POU6F2: variants seen among roughly 807,000 people sequenced by gnomAD.
POU6F2 encodes the protein POU class 6 homeobox 2, also known as POU domain, class 6, transcription factor 2.
POU6F2 carries 31 observed loss-of-function variants against 71.3 expected under a neutral mutation model. That is an observed-to-expected ratio of 0.43 (90% CI 0.33 to 0.59). The LOEUF (loss-of-function observed/expected upper bound fraction) is 0.59. POU6F2 is among the 20% of genes least tolerant of loss of function. The pLI is 0.04. For missense variants in POU6F2, 783 were observed against 856.8 expected, an observed-to-expected ratio of 0.91 and a Z score of 1.07; for synonymous variants, 347 against 355.7, an observed-to-expected ratio of 0.98 and a Z score of 0.27.
intron 1 of POU6F2, among the ~76,000 whole-genome samples, chr7:39,073,520 G>A (rs10230144): frequency 0.046 from 6,985 of 151,894 alleles, 232 homozygotes; most frequent in Non-Finnish European, 0.068. Flanking sequence ...ATCTCTGCTC[G>A]TCTTAAAAGC....
chr7:39,012,463 G>T (rs1789320768), intron 1 of POU6F2, among the ~76,000 whole-genome samples: 2 of 149,024 alleles, frequency 1.3e-5, no homozygotes. Context: ...TTTGCCTTTG[G>T]TTTGAATGTC....
At chr7:39,184,428 C>T (rs1793491984) in intron 2 of POU6F2, among the ~76,000 whole-genome samples, 1 of 152,148 alleles carries the variant, frequency 6.6e-6, no homozygotes, top group Non-Finnish European at 1.5e-5. Flanking sequence ...AAACCTCTTC[C>T]CTATTTCAGA....
Position 39,016,585 on chromosome 7 carries a change from T to A in POU6F2, c.105+38527T>A, listed in dbSNP as rs142336312. On this transcript the variant is annotated intron_variant, in intron 1 of 9. Transcript: ENST00000518318. ...CCGCTTACAGTTCAGTAGAAAAGAC[T>A]CTAGCTAACCAAAGTCAAATATTTA... Among the ~76,000 whole-genome samples, 27 of 152,048 alleles carry A rather than the reference T, an allele frequency of 1.8e-4. No individual in the cohort carries two copies. The East Asian group carries it at 3.3e-3, about 19-fold the overall frequency.
intron 5 of POU6F2, among the ~76,000 whole-genome samples, chr7:39,372,728 G>C (rs1786638914): frequency 6.6e-6 from 1 of 152,136 alleles, no homozygotes; most frequent in Admixed American, 6.5e-5. Context: ...ATCACCAGGG[G>C]ATAATGTATC....
At chr7:39,294,300 TAAC>T (rs1784811841) in intron 4 of POU6F2, among the ~76,000 whole-genome samples, 1 of 149,314 alleles carries the variant, frequency 6.7e-6, no homozygotes, top group Non-Finnish European at 1.5e-5. Flanking sequence ...TTCATTTGTC[TAAC>T]AATAGTATTA....
intron 2 of POU6F2, 31 bp downstream of exon 2, chr7:39,086,062 C>A: frequency 1.2e-6 from 2 of 1,604,192 alleles, no homozygotes; most frequent in Non-Finnish European, 8.5e-7. Context: ...CATTTCAGTA[C>A]TACCATGTTG....
intron 2 of POU6F2, among the ~76,000 whole-genome samples, chr7:39,094,826 G>A (rs1470099478): frequency 6.6e-6 from 1 of 152,076 alleles, no homozygotes; most frequent in Non-Finnish European, 1.5e-5. Context: ...CAGGGTAAAG[G>A]AGAATAAAAA....
chr7:39,265,379 A>C (rs1024445028), intron 4 of POU6F2, among the ~76,000 whole-genome samples: 1 of 152,186 alleles, frequency 6.6e-6, no homozygotes, highest in African/African-American at 2.4e-5. Context: ...CTCCACCCCA[A>C]CTTCCCTCAG....
At chr7:39,199,293 G>C (rs906558180) in intron 2 of POU6F2, among the ~76,000 whole-genome samples, 1 of 152,126 alleles carries the variant, frequency 6.6e-6, no homozygotes, top group African/African-American at 2.4e-5. Context: ...AAAGGGTAAG[G>C]CTCCAGAAAG....
intron 2 of POU6F2, among the ~76,000 whole-genome samples, chr7:39,160,348 G>A (rs1251527772): frequency 6.6e-6 from 1 of 152,140 alleles, no homozygotes; most frequent in Non-Finnish European, 1.5e-5. Flanking sequence ...TACAAGAAGG[G>A]TCCCTCCAGT....
intron 1 of POU6F2, among the ~76,000 whole-genome samples, chr7:39,084,093 C>G (rs150908034): frequency 6.6e-6 from 1 of 152,192 alleles, no homozygotes; most frequent in Non-Finnish European, 1.5e-5. Flanking sequence ...TTTCTCTCTC[C>G]CTCATCCCCC....
intron 8 of POU6F2, among the ~76,000 whole-genome samples, chr7:39,457,697 A>G (rs1055769978): frequency 1.3e-5 from 2 of 152,200 alleles, no homozygotes; most frequent in Non-Finnish European, 2.9e-5. Context: ...TTAAAAATGC[A>G]CATCCCTGGG....
At chr7:39,268,759 A>AT (rs1784293990) in intron 4 of POU6F2, among the ~76,000 whole-genome samples, 1 of 152,216 alleles carries the variant, frequency 6.6e-6, no homozygotes, top group Non-Finnish European at 1.5e-5. Flanking sequence ...TTTATACAGA[A>AT]TTAATACACA....
At chr7:39,024,803 A>G (rs1789762184) in intron 1 of POU6F2, among the ~76,000 whole-genome samples, 1 of 152,278 alleles carries the variant, frequency 6.6e-6, no homozygotes, top group South Asian at 2.1e-4. Context: ...ATGCTGGATT[A>G]CATTTATTGA....
At chr7:39,325,843 G>A (rs1278823573) in intron 4 of POU6F2, among the ~76,000 whole-genome samples, 1 of 152,038 alleles carries the variant, frequency 6.6e-6, no homozygotes, top group East Asian at 1.9e-4. Flanking sequence ...TGAAAGCCGG[G>A]GTGCATCTTG....
rs138787848 is a variant in POU6F2 at position 39,068,139 on chromosome 7, C to T, written c.106-17721C>T. 1.1e-4 allele frequency among the ~76,000 whole-genome samples: 16 copies of T among 152,180 alleles called. No homozygotes were observed. The East Asian group carries it at 3.1e-3, about 29-fold the overall frequency. ...GCCTTATCAATGAAAATAATTTTTA[C>T]CATGCACTCTTAATATATTGATATT... On this transcript the variant is annotated intron_variant, in intron 1 of 9. Coordinates refer to ENST00000518318, the MANE Select transcript of POU6F2 (RefSeq NM_001370959.1).
intron 5 of POU6F2, among the ~76,000 whole-genome samples, chr7:39,387,601 C>A (rs561308809): frequency 2.0e-5 from 3 of 152,202 alleles, no homozygotes. Context: ...CTCCACAATT[C>A]GGTGGCTCCT....
chr7:39,460,558 G>T lies in POU6F2; in HGVS notation c.1501G>T (p.Ala501Ser), dbSNP rs1363278403. 6.2e-7 allele frequency: 1 copy of T among 1,613,580 alleles called. No homozygotes were observed. Among genetic ancestry groups the T allele is most frequent in the East Asian group, 2.2e-5 (1 of 44,884 alleles). ...VGQLVSNPQTAAGEVDGVNLE... is the reference protein window; with the variant it reads ...VGQLVSNPQTSAGEVDGVNLE... ...AAACATCTCCACAGATCCTCAAACG[G>T]CAGCGGGTGAGGTGGATGGGGTTAA... The change falls in exon 9 of 10, where the codon GCA becomes TCA. Residue 501 changes from alanine to serine, a missense_variant. Transcript: ENST00000518318. The surrounding 1 kb of genome is among the most constrained non-coding windows in gnomAD (Gnocchi z 4.4).
At chr7:39,453,880 T>C (rs954918417) in intron 8 of POU6F2, among the ~76,000 whole-genome samples, 2 of 152,172 alleles carry the variant, frequency 1.3e-5, no homozygotes, top group African/African-American at 4.8e-5. Context: ...AGAGACTGAA[T>C]GACACCAAGC....
Sources: gnomAD v4.1 joint callset for allele counts (sites outside exome capture counted in the v4.1 genomes callset) on GRCh38, gnomAD v4.1.1 for gene constraint, Gnocchi (gnomAD v3.1) non-coding constraint, MANE v1.5 for transcripts, NCBI Gene and HGNC (gene_info 2026-07-23, HGNC 2026-07-21) for gene names.